HDHD2: variants seen among roughly 807,000 people sequenced by gnomAD.
The protein encoded by HDHD2 is haloacid dehalogenase like hydrolase domain containing 2.
HDHD2 carries 26 observed loss-of-function variants against 24.8 expected under a neutral mutation model. The ratio of observed to expected loss-of-function variants is 1.05; its 90% CI spans 0.77 to 1.45. HDHD2 has a LOEUF of 1.45. HDHD2 is among the 40% of genes most tolerant of loss of function. The probability of loss-of-function intolerance (pLI) is 0.00; values close to 1 mark genes in which losing one functional copy is unlikely to be tolerated. For synonymous variants in HDHD2, 128 were observed against 114.9 expected, an observed-to-expected ratio of 1.11 and a Z score of -0.73; for missense variants, 299 against 313.4, an observed-to-expected ratio of 0.95 and a Z score of 0.35.
At chr18:47,128,818 G>A (rs1331337005) in intron 4 of HDHD2, among the ~76,000 whole-genome samples, 2 of 152,150 alleles carry the variant, frequency 1.3e-5, no homozygotes, top group South Asian at 2.1e-4. Context: ...TTTTACATGA[G>A]GGCAGTCATT....
chr18:47,131,911 C>T (rs2063717153), intron 3 of HDHD2, among the ~76,000 whole-genome samples: 1 of 152,064 alleles, frequency 6.6e-6, no homozygotes, highest in Non-Finnish European at 1.5e-5. Flanking sequence ...GTGGTTATGC[C>T]ACCAACCTCA....
chr18:47,145,343 T>C (rs1451798155), intron 1 of HDHD2, among the ~76,000 whole-genome samples: 1 of 152,218 alleles, frequency 6.6e-6, no homozygotes, highest in Non-Finnish European at 1.5e-5. Flanking sequence ...AACAAGAAAG[T>C]AGGCGTTGCT....
chr18:47,110,200 C>G, intron 6 of HDHD2: 2 of 985,428 alleles, frequency 2.0e-6, no homozygotes, highest in Non-Finnish European at 2.4e-6. Context: ...CCTGAAAAAC[C>G]CTCTTTTCCA....
intron 1 of HDHD2, among the ~76,000 whole-genome samples, chr18:47,142,096 C>A (rs1201228050): frequency 5.3e-5 from 8 of 152,102 alleles, no homozygotes; most frequent in African/African-American, 9.7e-5. Context: ...AATTGTGAGT[C>A]CATTAAACAT....
At chr18:47,142,273 T>C (rs1214379805) in intron 1 of HDHD2, among the ~76,000 whole-genome samples, 2 of 107,314 alleles carry the variant, frequency 1.9e-5, no homozygotes, top group Non-Finnish European at 4.3e-5. Flanking sequence ...ATGTTTTTCA[T>C]TTCATAAAAA....
intron 2 of HDHD2, among the ~76,000 whole-genome samples, chr18:47,135,508 G>A (rs1418655981): frequency 5.9e-5 from 9 of 152,010 alleles, no homozygotes; most frequent in African/African-American, 1.7e-4. Flanking sequence ...TGATCCACCC[G>A]CCTCGGCCTC....
At chr18:47,119,682 A>C (rs918875277) in intron 4 of HDHD2, among the ~76,000 whole-genome samples, 1 of 152,218 alleles carries the variant, frequency 6.6e-6, no homozygotes, top group African/African-American at 2.4e-5. Context: ...TTGACCTTTC[A>C]TGAACCACAA....
intron 4 of HDHD2, among the ~76,000 whole-genome samples, chr18:47,116,023 CA>C (rs1355837212): frequency 6.6e-6 from 1 of 152,074 alleles, no homozygotes; most frequent in African/African-American, 2.4e-5. Context: ...TCACATCAGA[CA>C]AAAGGACATA....
intron 3 of HDHD2, chr18:47,134,295 T>C (rs1568056022): frequency 5.1e-6 from 3 of 593,596 alleles, no homozygotes; most frequent in Non-Finnish European, 8.9e-6. Context: ...ATTAGGTTAC[T>C]ATGTAATGTG....
chr18:47,113,561 G>T (rs1330828419), intron 5 of HDHD2, among the ~76,000 whole-genome samples: 2 of 151,988 alleles, frequency 1.3e-5, no homozygotes, highest in Non-Finnish European at 2.9e-5. Context: ...TCACACTTGG[G>T]AATAACAGAT....
In HDHD2 at chr18:47,135,686, T is replaced by A. The variant is rs9950969; in HGVS notation, c.101+653A>T. On this transcript the variant is annotated intron_variant, in intron 2 of 6. Transcript: ENST00000300605. ...TAAATTATTTTAGGATAAAGATCCTTAATATATGTTATTGGTTCTGTTGTG... is the reference window on the plus strand; with the variant it reads ...TAAATTATTTTAGGATAAAGATCCTAAATATATGTTATTGGTTCTGTTGTG... Among the ~76,000 whole-genome samples, 928 of 152,358 alleles carry A rather than the reference T, an allele frequency of 6.1e-3. 16 individuals are homozygous for A. Among genetic ancestry groups the A allele is most frequent in the African/African-American group, 0.021 (870 of 41,578 alleles).
intron 4 of HDHD2, among the ~76,000 whole-genome samples, chr18:47,120,431 A>C (rs1407083959): frequency 6.6e-6 from 1 of 152,150 alleles, no homozygotes; most frequent in Non-Finnish European, 1.5e-5. Flanking sequence ...TAGCTTCCTC[A>C]TCTCTCTTAG....
At chr18:47,121,367 C>T (rs1281517886) in intron 4 of HDHD2, among the ~76,000 whole-genome samples, 1 of 152,144 alleles carries the variant, frequency 6.6e-6, no homozygotes, top group Non-Finnish European at 1.5e-5. Context: ...GTTACTCAAG[C>T]CAGAACCCTA....
chr18:47,130,830 C>A (rs1349175028), intron 3 of HDHD2, among the ~76,000 whole-genome samples: 1 of 152,194 alleles, frequency 6.6e-6, no homozygotes, highest in Admixed American at 6.5e-5. Context: ...ACTGCAGAGT[C>A]TACAGTTTTC....
intron 2 of HDHD2, 92 bp from the exon 3 acceptor site, chr18:47,134,796 T>G: frequency 1.0e-6 from 1 of 986,358 alleles, no homozygotes; most frequent in Non-Finnish European, 1.6e-6. Flanking sequence ...CCAAATGTTT[T>G]TATGGCCAGC....
intron 5 of HDHD2, among the ~76,000 whole-genome samples, chr18:47,113,685 C>A (rs1351606586): frequency 2.7e-5 from 4 of 150,880 alleles, no homozygotes; most frequent in South Asian, 2.1e-4. Flanking sequence ...AAAGAAAAAT[C>A]AAAAAAATTA....
intron 6 of HDHD2, 106 bp from the exon 7 acceptor site, chr18:47,108,891 C>T: frequency 1.5e-6 from 1 of 668,134 alleles, no homozygotes; most frequent in South Asian, 1.8e-5. Flanking sequence ...ACAGTTAAGA[C>T]AGAATCAGGG....
At chr18:47,112,468 A>C (rs2063523160) in intron 6 of HDHD2, among the ~76,000 whole-genome samples, 3 of 152,184 alleles carry the variant, frequency 2.0e-5, no homozygotes, top group Admixed American at 1.3e-4. Flanking sequence ...GAGTAAACCT[A>C]ATTGTGCAGG....
At position 47,130,254 on chromosome 18, in the gene HDHD2, G is replaced by C. The variant is rs1266053038; in HGVS notation, c.385C>G (p.Gln129Glu). Residue 129 changes from glutamine (Q) to glutamate (E), a missense_variant, in exon 4 of 7, where the codon CAA (glutamine) becomes GAA (glutamate). By Grantham distance (29) the Gln-to-Glu change is conservative. Transcript: ENST00000300605. ...PEHFHYQILNQAFRLLLDGAP... is the reference protein window; with the variant it reads ...PEHFHYQILNEAFRLLLDGAP... ...AATAGCTAGGTTTACCGGAATGCTT[G>C]ATTCAGAATTTGATAATGAAAATGT... 5 of 1,588,014 alleles carry C rather than the reference G, an allele frequency of 3.1e-6. No individual in the cohort carries two copies. The highest frequency in any genetic ancestry group is 2.2e-5 in the East Asian group (1 of 44,640).
Sources: allele counts gnomAD v4.1 joint callset (sites outside exome capture counted in the v4.1 genomes callset), GRCh38; gene constraint gnomAD v4.1.1; transcripts MANE v1.5; gene names NCBI Gene and HGNC (gene_info 2026-07-23, HGNC 2026-07-21).